Variants in FXYD2 observed in about 807,000 individuals in gnomAD.
The protein encoded by FXYD2 is sodium/potassium-transporting ATPase subunit gamma.
FXYD2 carries 8 observed loss-of-function variants against 11.8 expected under a neutral mutation model. The observed-to-expected ratio is 0.68, with a 90% CI of 0.40 to 1.22. FXYD2 has a LOEUF of 1.22. FXYD2 is among the 50% of genes most tolerant of loss of function. The pLI is 0.01. For missense variants in FXYD2, 92 were observed against 91.8 expected (o/e 1.00, Z -0.01); for synonymous variants, 42 against 33.3 (o/e 1.26, Z -0.90).
rs747841055 is a variant in FXYD2 at position 117,822,737 on chromosome 11, G to T, written c.26-20C>A. The T allele has an allele frequency of 2.2e-5, 35 of 1,606,454 alleles. No homozygotes were observed. In the Middle Eastern group the frequency reaches 8.3e-4, roughly 38 times the overall value. ...TGCCGCCTAGGAGAGAGCCAGAGGT[G>T]GGATGAGAGGAGTCACCGATGGTGA... On this transcript the variant is annotated intron_variant, in intron 1 of 5. Transcript: ENST00000292079. The surrounding 1 kb of genome is among the most constrained non-coding windows in gnomAD (Gnocchi z 4.7).
upstream of FXYD2, among the ~76,000 whole-genome samples, chr11:117,826,504 G>GA (rs2056038471): frequency 6.6e-6 from 1 of 152,152 alleles, no homozygotes; most frequent in South Asian, 2.1e-4. Flanking sequence ...GGGTACACCA[G>GA]AAAAAACGAG....
chr11:117,824,771 C>T (rs960955214), upstream of FXYD2: 74 of 1,518,880 alleles, frequency 4.9e-5, no homozygotes, highest in African/African-American at 2.1e-4. This position sits in a 1 kb window ranked among gnomAD's most constrained non-coding sequence, Gnocchi z 4.0. Context: ...TGGCCGGGGA[C>T]GAGGTGCGGG....
At chr11:117,821,899 A>C in intron 3 of FXYD2, 1 of 1,011,436 alleles carries the variant, frequency 9.9e-7, no homozygotes, top group Non-Finnish European at 1.2e-6. Flanking sequence ...AAAACAAGTC[A>C]ATGTGCAGTT....
Position 117,822,867 on chromosome 11 carries a change from C to T in FXYD2, c.26-150G>A, listed in dbSNP as rs79521383. 21,583 of 1,112,288 alleles carry T rather than the reference C, an allele frequency of 0.019. 1,950 individuals are homozygous for T. In the East Asian group the frequency reaches 0.25, roughly 13 times the overall value. 68.9% of individuals were successfully genotyped at this position (1,112,288 alleles called of 1,614,324 possible). On this transcript the variant is annotated intron_variant, in intron 1 of 5. Coordinates refer to ENST00000292079, the MANE Select transcript of FXYD2 (RefSeq NM_001680.5). This position sits in a 1 kb window ranked among gnomAD's most constrained non-coding sequence, Gnocchi z 4.7. ...CTGGGAGCAGGGGTGTTGCTAAAAC[C>T]ATTGCCAGCAGGCTTCTGCTCCAGG...
At position 117,824,481 on chromosome 11, in the gene FXYD2, C is replaced by T; in HGVS notation, c.25+173G>A. 1 of 683,460 alleles carries T rather than the reference C, an allele frequency of 1.5e-6. No individual in the cohort carries two copies. The highest frequency in any genetic ancestry group is 2.7e-6 in the Non-Finnish European group (1 of 372,800). The allele number at this position is 683,460 out of a possible 1,614,324, so 42.3% of individuals were successfully genotyped here. A position where few individuals can be genotyped will look rare whatever the true frequency, so the allele number is the denominator to read the frequency against. On this transcript the variant is annotated intron_variant, in intron 1 of 5. Coordinates refer to ENST00000292079, the MANE Select transcript of FXYD2 (RefSeq NM_001680.5). The surrounding 1 kb of genome is among the most constrained non-coding windows in gnomAD (Gnocchi z 4.0). ...TCTTTGGGGTTAAAGCAGGGTCCTC[C>T]TTTAAGTTGCAAATTTTCTTAGAGA...
At chr11:117,826,029 G>A (rs678776), upstream of FXYD2, among the ~76,000 whole-genome samples, 35,954 of 152,116 alleles carry the variant, frequency 0.24, 4,749 homozygotes, top group South Asian at 0.35. Flanking sequence ...TAAAATGGGC[G>A]CAGTACCCAG....
chr11:117,821,020 A>G, intron 3 of FXYD2, 125 bp from the exon 4 acceptor site: 2 of 1,260,726 alleles, frequency 1.6e-6, no homozygotes, highest in Non-Finnish European at 2.3e-6. Context: ...TCAGGCTTGG[A>G]GGCCACGTTT....
chr11:117,821,513 G>A lies in FXYD2; in HGVS notation c.140-618C>T, dbSNP rs12365759. On this transcript the variant is annotated intron_variant, in intron 3 of 5. Transcript: ENST00000292079. The stretch of plus-strand genomic sequence containing the variant: ...GGGCCATCATGGTGCCCCCAGCACA[G>A]CTGCCCGATGAACACCTGGAGAAGG... 7 of 986,056 alleles carry A rather than the reference G, an allele frequency of 7.1e-6. No individual in the cohort carries two copies. The African/African-American group carries it at 1.0e-4, about 15-fold the overall frequency. The allele number at this position is 986,056 out of a possible 1,614,324, so 61.1% of individuals were successfully genotyped here. A position where few individuals can be genotyped will look rare whatever the true frequency, so the allele number is the denominator to read the frequency against.
chr11:117,824,289 G>C lies in FXYD2; in HGVS notation c.25+365C>G. On this transcript the variant is annotated intron_variant, in intron 1 of 5. Transcript: ENST00000292079. The surrounding 1 kb of genome is among the most constrained non-coding windows in gnomAD (Gnocchi z 4.0). ...ATCCAGCCTAGGAAGGCTGACCAGA[G>C]GGGCCTGCTCCTTCCCCAGCCAGAT... 1 of 391,696 alleles carries C rather than the reference G, an allele frequency of 2.6e-6. No individual in the cohort carries two copies. The highest frequency in any genetic ancestry group is 3.6e-5 in the Admixed American group (1 of 27,982). The allele number at this position is 391,696 out of a possible 1,614,324, so 24.3% of individuals were successfully genotyped here.
chr11:117,822,308 C>T lies in FXYD2; in HGVS notation c.139+98G>A. 1.3e-6 allele frequency: 2 copies of T among 1,547,116 alleles called. No individual in the cohort carries two copies. The highest frequency in any genetic ancestry group is 1.2e-5 in the South Asian group (1 of 83,904). On this transcript the variant is annotated intron_variant, in intron 3 of 5. Coordinates refer to ENST00000292079, the MANE Select transcript of FXYD2 (RefSeq NM_001680.5). The surrounding 1 kb of genome is among the most constrained non-coding windows in gnomAD (Gnocchi z 4.7). ...GTGGGGGGCGTGGTGGGGAGGCTCA[C>T]CCCTCCCTTGGCAACTCCCGAAAGC... is the stretch of plus-strand genomic sequence containing the variant.
intron 3 of FXYD2, chr11:117,821,726 T>C (rs1359333501): frequency 1.0e-6 from 1 of 979,660 alleles, no homozygotes; most frequent in Non-Finnish European, 1.2e-6. Context: ...AGAGCTGCCA[T>C]GGGCAACACG....
upstream of FXYD2, chr11:117,824,772 G>A (rs1471632163): frequency 7.3e-6 from 11 of 1,505,182 alleles, no homozygotes; most frequent in East Asian, 4.8e-5. This position sits in a 1 kb window ranked among gnomAD's most constrained non-coding sequence, Gnocchi z 4.0. Context: ...GGCCGGGGAC[G>A]AGGTGCGGGC....
chr11:117,824,543 G>T lies in FXYD2; in HGVS notation c.25+111C>A. On this transcript the variant is annotated intron_variant, in intron 1 of 5. Coordinates refer to ENST00000292079, the MANE Select transcript of FXYD2 (RefSeq NM_001680.5). This position sits in a 1 kb window ranked among gnomAD's most constrained non-coding sequence, Gnocchi z 4.0. ...GGAAGAGGGGCTGGGTACTCTGGAA[G>T]GCTGAGGTGGCAGGAGAGGGAAGAG... is the stretch of plus-strand genomic sequence containing the variant. 1.1e-6 allele frequency: 1 copy of T among 882,030 alleles called. No homozygotes were observed. The highest frequency in any genetic ancestry group is 1.9e-6 in the Non-Finnish European group (1 of 529,368). 54.6% of individuals were successfully genotyped at this position (882,030 alleles called of 1,614,324 possible). A position where few individuals can be genotyped will look rare whatever the true frequency, so the allele number is the denominator to read the frequency against.
chr11:117,824,515 A>C lies in FXYD2; in HGVS notation c.25+139T>G. 1 of 744,070 alleles carries C rather than the reference A, an allele frequency of 1.3e-6. No individual in the cohort carries two copies. The highest frequency in any genetic ancestry group is 2.7e-5 in the East Asian group (1 of 37,338). 46.1% of individuals were successfully genotyped at this position (744,070 alleles called of 1,614,324 possible). On this transcript the variant is annotated intron_variant, in intron 1 of 5. Transcript: ENST00000292079. This position sits in a 1 kb window ranked among gnomAD's most constrained non-coding sequence, Gnocchi z 4.0. ...GCAAATTTTCTTAGAGAGGAGGCCG[A>C]CAGGAAGAGGGGCTGGGTACTCTGG... is the stretch of plus-strand genomic sequence containing the variant.
chr11:117,822,143 C>T lies in FXYD2; in HGVS notation c.139+263G>A. 7.2e-7 allele frequency: 1 copy of T among 1,394,442 alleles called. No individual in the cohort carries two copies. Among genetic ancestry groups the T allele is most frequent in the South Asian group, 1.5e-5 (1 of 66,122 alleles). The allele number at this position is 1,394,442 out of a possible 1,614,324, so 86.4% of individuals were successfully genotyped here. ...GTCCCCCTGTCTGGCCCTCCGGTTA[C>T]CCAGTTACCCCGTGGGTTTGCTCTC... On this transcript the variant is annotated intron_variant, in intron 3 of 5. Transcript: ENST00000292079. The surrounding 1 kb of genome is among the most constrained non-coding windows in gnomAD (Gnocchi z 4.7).
rs1017774221 is a variant in FXYD2 at position 117,824,474 on chromosome 11, G to C, written c.25+180C>G. On this transcript the variant is annotated intron_variant, in intron 1 of 5. Coordinates refer to ENST00000292079, the MANE Select transcript of FXYD2 (RefSeq NM_001680.5). This position sits in a 1 kb window ranked among gnomAD's most constrained non-coding sequence, Gnocchi z 4.0. ...CTATCTTTCTTTGGGGTTAAAGCAG[G>C]GTCCTCCTTTAAGTTGCAAATTTTC... The C allele has an allele frequency of 1.3e-5, 9 of 669,284 alleles. No homozygotes were observed. The highest frequency in any genetic ancestry group is 2.2e-5 in the Non-Finnish European group (8 of 364,694). The allele number at this position is 669,284 out of a possible 1,614,324, so 41.5% of individuals were successfully genotyped here.
upstream of FXYD2, among the ~76,000 whole-genome samples, chr11:117,827,336 G>A (rs185669398): frequency 1.3e-5 from 2 of 152,184 alleles, no homozygotes; most frequent in East Asian, 3.9e-4. Flanking sequence ...TGCAACCTCC[G>A]CCTCCCGGGT....
chr11:117,827,975 A>C (rs369579002), upstream of FXYD2: 4 of 1,474,300 alleles, frequency 2.7e-6, no homozygotes, highest in African/African-American at 5.6e-5. Context: ...GGGAGGAGGA[A>C]TGGGGCTCAG....
intron 3 of FXYD2, 22 bp from the exon 4 acceptor site, chr11:117,820,917 T>G: frequency 6.2e-7 from 1 of 1,614,008 alleles, no homozygotes; most frequent in South Asian, 1.1e-5. Flanking sequence ...AAAAGGAGAT[T>G]TGTTTCCATG....
Sources: gnomAD v4.1 joint callset for allele counts (sites outside exome capture counted in the v4.1 genomes callset) on GRCh38, gnomAD v4.1.1 for gene constraint, Gnocchi (gnomAD v3.1) non-coding constraint, MANE v1.5 for transcripts, NCBI Gene and HGNC (gene_info 2026-07-23, HGNC 2026-07-21) for gene names.